Variants in GRM7 observed in about 807,000 individuals in gnomAD.
GRM7 encodes metabotropic glutamate receptor 7.
GRM7 carries 35 observed loss-of-function variants against 84.5 expected under a neutral mutation model. That is an observed-to-expected ratio of 0.41 (90% confidence interval 0.32 to 0.55). GRM7 has a LOEUF of 0.55. Among genes scored for constraint, GRM7 ranks in the 20% least tolerant of loss-of-function variants. The pLI is 0.19. For missense variants in GRM7, 1,003 were observed against 1,194.6 expected (o/e 0.84, Z 2.36); for synonymous variants, 487 against 455.1 (o/e 1.07, Z -0.89).
At chr3:7,681,212 AC>A (rs1279761971) in intron 9 of GRM7, 1 of 152,222 alleles carries the variant, frequency 6.6e-6, no homozygotes, top group East Asian at 1.9e-4. Flanking sequence ...TATTTGTGAT[AC>A]TTCCTGTTGT....
At chr3:6,956,524 T>C (rs1034173528) in intron 1 of GRM7, 21 of 454,892 alleles carry the variant, frequency 4.6e-5, no homozygotes, top group African/African-American at 3.8e-4. Flanking sequence ...ACCAGAGAGA[T>C]TTCTGTGGCA....
chr3:7,148,339 G>C (rs764399950), intron 2 of GRM7, among the ~76,000 whole-genome samples: 1 of 152,166 alleles, frequency 6.6e-6, no homozygotes, highest in Non-Finnish European at 1.5e-5. Context: ...GGGTAAAATA[G>C]TAAGATAAAG....
intron 1 of GRM7, among the ~76,000 whole-genome samples, chr3:6,997,704 A>G (rs969341827): frequency 1.3e-5 from 2 of 152,130 alleles, no homozygotes; most frequent in African/African-American, 4.8e-5. Flanking sequence ...ATGTCCTCAC[A>G]TTTCAAAACA....
chr3:6,991,961 G>T (rs1344550170), intron 1 of GRM7, among the ~76,000 whole-genome samples: 1 of 150,508 alleles, frequency 6.6e-6, no homozygotes, highest in African/African-American at 2.5e-5. Flanking sequence ...CAACCAGTTT[G>T]TTTTATGTTC....
intron 7 of GRM7, among the ~76,000 whole-genome samples, chr3:7,489,147 A>T (rs564797536): frequency 2.6e-5 from 4 of 152,266 alleles, no homozygotes; most frequent in African/African-American, 9.6e-5. Context: ...ACATATTTTT[A>T]AAAACGTATT....
chr3:7,118,929 C>T (rs1693130057), intron 1 of GRM7, among the ~76,000 whole-genome samples: 1 of 152,124 alleles, frequency 6.6e-6, no homozygotes, highest in Non-Finnish European at 1.5e-5. Context: ...GGAAGTGTGA[C>T]ATTTATAAAG....
chr3:7,386,737 C>T (rs557817147), intron 4 of GRM7, among the ~76,000 whole-genome samples: 62 of 152,232 alleles, frequency 4.1e-4, no homozygotes, highest in African/African-American at 1.3e-3. Context: ...CATTCAAGTG[C>T]GGGTGTCTTT....
At chr3:7,258,475 C>T (rs765247966) in intron 2 of GRM7, among the ~76,000 whole-genome samples, 3 of 152,136 alleles carry the variant, frequency 2.0e-5, no homozygotes, top group Non-Finnish European at 2.9e-5. Flanking sequence ...TACCAGAGAG[C>T]ACACATCTTT....
intron 1 of GRM7, among the ~76,000 whole-genome samples, chr3:6,902,325 A>G (rs1263320486): frequency 6.6e-6 from 1 of 152,206 alleles, no homozygotes; most frequent in Non-Finnish European, 1.5e-5. Flanking sequence ...AAGATTGTGT[A>G]TGAATACAGA....
intron 2 of GRM7, among the ~76,000 whole-genome samples, chr3:7,185,618 A>T (rs1425263430): frequency 3.3e-5 from 5 of 152,288 alleles, no homozygotes; most frequent in East Asian, 3.9e-4. Context: ...CTTCTCTTCC[A>T]TTCTTGAAGT....
chr3:7,251,619 T>A (rs1474571457), intron 2 of GRM7, among the ~76,000 whole-genome samples: 3 of 152,168 alleles, frequency 2.0e-5, no homozygotes, highest in Non-Finnish European at 4.4e-5. Context: ...GTGAGACAGA[T>A]CTGTCATAGA....
At chr3:7,704,981 C>T (rs190578413) in intron 9 of GRM7, among the ~76,000 whole-genome samples, 61 of 152,234 alleles carry the variant, frequency 4.0e-4, no homozygotes, top group South Asian at 1.2e-3. Flanking sequence ...CTTCTCTGTT[C>T]GAGAAGCCTT....
intron 7 of GRM7, among the ~76,000 whole-genome samples, chr3:7,501,740 T>G (rs1235853209): frequency 1.3e-5 from 2 of 152,206 alleles, no homozygotes; most frequent in African/African-American, 4.8e-5. Context: ...TATTTCATAT[T>G]TGAGCTATTT....
At chr3:7,686,135 A>C (rs2125146356) in intron 9 of GRM7, among the ~76,000 whole-genome samples, 1 of 152,102 alleles carries the variant, frequency 6.6e-6, no homozygotes, top group Admixed American at 6.6e-5. Context: ...AGCAAGTAAA[A>C]CCCAACTCCC....
At chr3:7,338,310 A>T (rs57016031) in intron 4 of GRM7, among the ~76,000 whole-genome samples, 5,916 of 152,034 alleles carry the variant, frequency 0.039, 243 homozygotes, top group African/African-American at 0.1. Flanking sequence ...ATGCAAAGGC[A>T]TAAGAATAAT....
At chr3:7,063,124 C>G (rs984247579) in intron 1 of GRM7, among the ~76,000 whole-genome samples, 3 of 151,670 alleles carry the variant, frequency 2.0e-5, no homozygotes, top group Non-Finnish European at 4.4e-5. Context: ...AACATGCCCA[C>G]TGTTGCCTAA....
intron 8 of GRM7, among the ~76,000 whole-genome samples, chr3:7,610,331 CTAAT>C (rs1368257676): frequency 6.6e-6 from 1 of 152,162 alleles, no homozygotes; most frequent in Non-Finnish European, 1.5e-5. Flanking sequence ...CCCCCCAACA[CTAAT>C]TGATGTGACA....
intron 5 of GRM7, among the ~76,000 whole-genome samples, chr3:7,439,047 C>A (rs1697178176): frequency 6.6e-6 from 1 of 151,996 alleles, no homozygotes. Flanking sequence ...TAGTTAATGT[C>A]ATTAAAATGA....
At chr3:7,645,820 T>C (rs958937236) in intron 8 of GRM7, among the ~76,000 whole-genome samples, 22 of 152,160 alleles carry the variant, frequency 1.4e-4, no homozygotes, top group Non-Finnish European at 4.4e-5. Context: ...TCTTCCCCAA[T>C]CTGACCCCAA....
Sources: gnomAD v4.1 joint callset for allele counts (sites outside exome capture counted in the v4.1 genomes callset) on GRCh38, gnomAD v4.1.1 for gene constraint, MANE v1.5 for transcripts, NCBI Gene and HGNC (gene_info 2026-07-23, HGNC 2026-07-21) for gene names.